ULK4: variants seen among roughly 807,000 people sequenced by gnomAD.
The protein encoded by ULK4 is unc-51 like kinase 4.
A neutral mutation model predicts 160.6 loss-of-function variants in ULK4; 133 were observed. The observed-to-expected ratio is 0.83, with a 90% CI of 0.72 to 0.96. ULK4 has a LOEUF of 0.96. ULK4 is among the 40% of genes least tolerant of loss of function. The probability of loss-of-function intolerance (pLI) is 0.00; values close to 1 mark genes in which losing one functional copy is unlikely to be tolerated. For missense variants in ULK4, 1,580 were observed against 1,499.5 expected, an observed-to-expected ratio of 1.05 and a Z score of -0.89; for synonymous variants, 534 against 539.8, an observed-to-expected ratio of 0.99 and a Z score of 0.15.
intron 27 of ULK4, among the ~76,000 whole-genome samples, chr3:41,689,641 C>G (rs1205033432): frequency 2.6e-5 from 4 of 152,142 alleles, no homozygotes; most frequent in East Asian, 3.9e-4. Flanking sequence ...GACATGAATA[C>G]ACACTTCTCA....
chr3:41,768,212 G>A (rs913414055), intron 21 of ULK4, among the ~76,000 whole-genome samples: 3 of 152,120 alleles, frequency 2.0e-5, no homozygotes, highest in South Asian at 4.1e-4. Context: ...TGCCTTTCAC[G>A]AAATTGGTCC....
At chr3:41,405,234 G>T (rs1409359045) in intron 34 of ULK4, among the ~76,000 whole-genome samples, 1 of 152,058 alleles carries the variant, frequency 6.6e-6, no homozygotes, top group African/African-American at 2.4e-5. Context: ...GAGGCATTTG[G>T]TTTTGACCCT....
At chr3:41,410,605 AC>A (rs1463351192) in intron 34 of ULK4, among the ~76,000 whole-genome samples, 2 of 150,676 alleles carry the variant, frequency 1.3e-5, no homozygotes, top group Admixed American at 1.3e-4. Flanking sequence ...TGCACAATAT[AC>A]AAAAATATTG....
intron 35 of ULK4, among the ~76,000 whole-genome samples, chr3:41,268,576 C>A (rs375738724): frequency 6.6e-6 from 1 of 151,990 alleles, no homozygotes; most frequent in African/African-American, 2.4e-5. Flanking sequence ...GAGACCGAGG[C>A]GGGCAGATCA....
chr3:41,673,047 C>T (rs893968993), intron 29 of ULK4, among the ~76,000 whole-genome samples: 1 of 151,962 alleles, frequency 6.6e-6, no homozygotes, highest in African/African-American at 2.4e-5. Context: ...ACCATGTTCC[C>T]CAGGCTGGTC....
At chr3:41,949,466 CTT>C (rs1700218027) in intron 2 of ULK4, among the ~76,000 whole-genome samples, 1 of 143,078 alleles carries the variant, frequency 7.0e-6, no homozygotes, top group Non-Finnish European at 1.5e-5. Context: ...GCATTTCACT[CTT>C]GTTGCCCAGG....
At chr3:41,505,938 T>C (rs1462444193) in intron 32 of ULK4, among the ~76,000 whole-genome samples, 1 of 152,172 alleles carries the variant, frequency 6.6e-6, no homozygotes. Context: ...ATATTTGCTT[T>C]AGTTTTTTGG....
intron 21 of ULK4, among the ~76,000 whole-genome samples, chr3:41,775,828 A>T (rs2125926979): frequency 6.6e-6 from 1 of 150,910 alleles, no homozygotes; most frequent in Non-Finnish European, 1.5e-5. Context: ...TATGAGATTT[A>T]TCCATGTTAA....
chr3:41,905,671 TA>T (rs1366861613), intron 12 of ULK4, among the ~76,000 whole-genome samples: 2 of 151,860 alleles, frequency 1.3e-5, no homozygotes, highest in African/African-American at 4.9e-5. Flanking sequence ...AATTTTTGAA[TA>T]AATATTTCTC....
rs2037229258 is a variant in ULK4, at chr3:41,715,295, T to C, written c.2578-2A>G. 1 of 1,613,872 alleles carries C rather than the reference T, an allele frequency of 6.2e-7. No homozygotes were observed. The highest frequency in any genetic ancestry group is 8.5e-7 in the Non-Finnish European group (1 of 1,179,964). ...TGTCACAACTTGAGGTCGAAATACC[T>C]GTGTGATGAGAGTTTCTACAGATTA... On this transcript the variant is annotated splice_acceptor_variant, in intron 24 of 36. Coordinates refer to ENST00000301831, the MANE Select transcript of ULK4 (RefSeq NM_017886.4). LOFTEE classifies it high-confidence loss of function.
chr3:41,291,912 G>C (rs1339059137), intron 35 of ULK4, among the ~76,000 whole-genome samples: 1 of 150,968 alleles, frequency 6.6e-6, no homozygotes, highest in Non-Finnish European at 1.5e-5. Flanking sequence ...CTCACTGCAA[G>C]CTCCGCCTCC....
At chr3:41,361,506 G>A (rs2081143767) in intron 35 of ULK4, among the ~76,000 whole-genome samples, 2 of 152,136 alleles carry the variant, frequency 1.3e-5, no homozygotes, top group African/African-American at 4.8e-5. Flanking sequence ...ACTAAATCCA[G>A]AACTTGTTGG....
At position 41,868,800 on chromosome 3, in the gene ULK4, CT is replaced by C. The variant is rs77680281; in HGVS notation, c.1656+15073del. Among the ~76,000 whole-genome samples, 162 of 151,434 alleles carry C rather than the reference CT, an allele frequency of 1.1e-3. 2 individuals carry two copies. Among genetic ancestry groups the C allele is most frequent in the African/African-American group, 3.0e-3 (123 of 41,332 alleles). On this transcript the variant is annotated intron_variant, in intron 17 of 36. Transcript: ENST00000301831. ...GTGTGAGCCACTGGACCAGCTAGGT[CT>C]TTTTTTTCCCCCCCAATATGACAAT...
At chr3:41,596,049 A>G (rs1362645125) in intron 31 of ULK4, among the ~76,000 whole-genome samples, 2 of 152,192 alleles carry the variant, frequency 1.3e-5, no homozygotes, top group Admixed American at 1.3e-4. Flanking sequence ...GAACAAGTAG[A>G]TGACTTGGTT....
chr3:41,529,100 C>CAT lies in ULK4; in HGVS notation c.3226+36923_3226+36924dup, dbSNP rs538565429. Among the ~76,000 whole-genome samples the CAT allele has an allele frequency of 3.0e-3, 456 of 152,340 alleles. 1 individual carries two copies. Among genetic ancestry groups the CAT allele is most frequent in the Middle Eastern group, 0.01 (3 of 294 alleles). On this transcript the variant is annotated intron_variant, in intron 32 of 36. Transcript: ENST00000301831. ...TTGAGAGAAAGAAGAGCCAACTTGG[C>CAT]ATACACTTCATACTATTCTTAAAGT...
chr3:41,831,885 T>G (rs1195179970), intron 18 of ULK4, among the ~76,000 whole-genome samples: 2 of 152,176 alleles, frequency 1.3e-5, no homozygotes, highest in South Asian at 4.1e-4. Flanking sequence ...GATCTCATTC[T>G]TTTTTATTGC....
intron 35 of ULK4, among the ~76,000 whole-genome samples, chr3:41,348,658 G>T (rs111364400): frequency 2.6e-5 from 4 of 151,384 alleles, no homozygotes; most frequent in African/African-American, 9.7e-5. Context: ...GCGAGTAAAT[G>T]TAAGACTTCT....
At position 41,896,809 on chromosome 3, in the gene ULK4, C is replaced by T. The variant is rs955475253; in HGVS notation, c.1530+13G>A. The T allele has an allele frequency of 2.5e-6, 4 of 1,605,034 alleles. No individual in the cohort carries two copies. In the African/African-American group the frequency reaches 5.4e-5, roughly 22 times the overall value. Reference sequence around the variant, plus strand: ...ACAAATTAAAATGCATAAGGCATGTCACACAGGCTTACCAGGGGGGAATGG... The same window carrying T: ...ACAAATTAAAATGCATAAGGCATGTTACACAGGCTTACCAGGGGGGAATGG... On this transcript the variant is annotated intron_variant, in intron 15 of 36. Transcript: ENST00000301831.
At chr3:41,431,355 AAAT>A (rs57010705) in intron 34 of ULK4, among the ~76,000 whole-genome samples, 29,254 of 138,880 alleles carry the variant, frequency 0.21, 3,171 homozygotes, top group East Asian at 0.26. Context: ...ACACACACAC[AAAT>A]AATAATAATA....
Sources: gnomAD v4.1 joint callset for allele counts (sites outside exome capture counted in the v4.1 genomes callset) on GRCh38, gnomAD v4.1.1 for gene constraint, MANE v1.5 for transcripts, NCBI Gene and HGNC (gene_info 2026-07-23, HGNC 2026-07-21) for gene names.